FNBP1: variants seen among roughly 807,000 people sequenced by gnomAD.
FNBP1 encodes formin-binding protein 1.
FNBP1 carries 26 observed loss-of-function variants against 90.6 expected under a neutral mutation model. The observed-to-expected ratio is 0.29, with a 90% CI of 0.21 to 0.40. The LOEUF is 0.40. Among genes scored for constraint, FNBP1 ranks in the 10% least tolerant of loss-of-function variants. The pLI is 1.00. For missense variants in FNBP1, 635 were observed against 768.0 expected (o/e 0.83, Z 2.05); for synonymous variants, 260 against 265.2 (o/e 0.98, Z 0.19).
chr9:129,913,528 TGGGGGGC>T (rs113337199), intron 11 of FNBP1, among the ~76,000 whole-genome samples: 1 of 151,956 alleles, frequency 6.6e-6, no homozygotes, highest in African/African-American at 2.4e-5. Flanking sequence ...CCCAGCACTG[TGGGGGGC>T]TGAGGTGGGC....
intron 12 of FNBP1, among the ~76,000 whole-genome samples, chr9:129,907,614 T>C (rs2038380536): frequency 1.2e-5 from 1 of 81,094 alleles, no homozygotes; most frequent in Admixed American, 1.4e-4. Flanking sequence ...TGTGTGTGTG[T>C]GTGTGTGTGT....
At chr9:130,001,417 G>A (rs1418845600) in intron 1 of FNBP1, among the ~76,000 whole-genome samples, 1 of 151,896 alleles carries the variant, frequency 6.6e-6, no homozygotes, top group African/African-American at 2.4e-5. Context: ...TAAAGCATCA[G>A]CTTTACCCAC....
rs1249683865 is a variant in FNBP1 at position 129,895,981 on chromosome 9, G to A, written c.1703C>T (p.Thr568Met). The A allele has an allele frequency of 3.7e-6, 6 of 1,608,620 alleles. No individual in the cohort carries two copies. Among genetic ancestry groups the A allele is most frequent in the Non-Finnish European group, 5.1e-6 (6 of 1,178,186 alleles). ...TGTTTCTCCTTCAACTACGGAAATC[G>A]TTCCTTCATTCTGACCTGAAAAAGC... ...LYTFEGQNEG[T>M]ISVVEGETLY... Residue 568 changes from threonine to methionine, a missense_variant, in exon 16 of 17, where the codon ACG becomes ATG. Thr to Met is a moderately conservative substitution (Grantham distance 81). Coordinates refer to ENST00000446176, the MANE Select transcript of FNBP1 (RefSeq NM_015033.3).
At chr9:129,898,433 C>G (rs935064463) in intron 15 of FNBP1, among the ~76,000 whole-genome samples, 2 of 152,092 alleles carry the variant, frequency 1.3e-5, no homozygotes, top group African/African-American at 4.8e-5. Flanking sequence ...AGGAAGCGAC[C>G]TCATTCTCCC....
At chr9:130,019,849 C>T (rs551531813) in intron 1 of FNBP1, among the ~76,000 whole-genome samples, 4 of 152,122 alleles carry the variant, frequency 2.6e-5, no homozygotes, top group East Asian at 1.9e-4. Context: ...TGAGCCACCG[C>T]GCCCGGCCCA....
At chr9:129,898,900 C>T (rs2036319647) in intron 15 of FNBP1, among the ~76,000 whole-genome samples, 2 of 151,916 alleles carry the variant, frequency 1.3e-5, no homozygotes, top group African/African-American at 4.8e-5. Context: ...GCTATAGATA[C>T]TAGATATTAA....
intron 1 of FNBP1, among the ~76,000 whole-genome samples, chr9:130,028,973 G>A (rs2058581056): frequency 6.6e-6 from 1 of 152,036 alleles, no homozygotes; most frequent in Non-Finnish European, 1.5e-5. Flanking sequence ...TCCCCATCAA[G>A]CTCAATCCTA....
Position 129,902,900 on chromosome 9 carries a change from T to C in FNBP1, c.1397A>G (p.Glu466Gly), listed in dbSNP as rs767860797. 3.4e-5 allele frequency: 55 copies of C among 1,613,584 alleles called. No individual in the cohort carries two copies. The East Asian group carries it at 1.1e-3, about 33-fold the overall frequency. Reference protein sequence around the residue: ...HKLAEVSQNIEKLRVETQKFE... With the variant: ...HKLAEVSQNIGKLRVETQKFE... ...TTTCTGGGTCTCTACTCGCAGTTTCTCTATATTTTGGCTGACTTCTGCTAA... is the reference window on the plus strand; with the variant it reads ...TTTCTGGGTCTCTACTCGCAGTTTCCCTATATTTTGGCTGACTTCTGCTAA... Residue 466 changes from glutamate to glycine, a missense_variant, in exon 13 of 17, where the codon GAG becomes GGG. Transcript: ENST00000446176.
At chr9:129,963,360 C>T (rs1208943675) in intron 4 of FNBP1, among the ~76,000 whole-genome samples, 1 of 151,984 alleles carries the variant, frequency 6.6e-6, no homozygotes, top group Non-Finnish European at 1.5e-5. Context: ...TTTAAAAACA[C>T]GAGGGATGAT....
intron 12 of FNBP1, among the ~76,000 whole-genome samples, chr9:129,904,622 C>T (rs1298972481): frequency 6.6e-6 from 1 of 152,210 alleles, no homozygotes; most frequent in Non-Finnish European, 1.5e-5. Context: ...CAAGTCCTCA[C>T]CACCCTCCAC....
intron 11 of FNBP1, among the ~76,000 whole-genome samples, chr9:129,909,637 T>TC (rs1201398842): frequency 6.6e-6 from 1 of 152,056 alleles, no homozygotes; most frequent in Non-Finnish European, 1.5e-5. Context: ...TTTTTTTTTT[T>TC]CCTTGAGACA....
intron 1 of FNBP1, among the ~76,000 whole-genome samples, chr9:130,007,996 T>C (rs1589230808): frequency 6.4e-5 from 2 of 31,362 alleles, no homozygotes; most frequent in South Asian, 1.3e-3. Context: ...AGACTCTGTC[T>C]CAAAAAAAAA....
rs563365513 is a variant in FNBP1, at chr9:129,907,500, C to T, written c.1295+1390G>A. On this transcript the variant is annotated intron_variant, in intron 12 of 16. Transcript: ENST00000446176. ...CTACTTTGTGCTTTTTTCTTGGAGA[C>T]GGGGTCTTGCTCTGTTGCCCAAGGT... Among the ~76,000 whole-genome samples, 5 of 151,744 alleles carry T rather than the reference C, an allele frequency of 3.3e-5. No individual in the cohort carries two copies. The South Asian group carries it at 8.3e-4, about 25-fold the overall frequency.
intron 6 of FNBP1, among the ~76,000 whole-genome samples, chr9:129,941,346 GT>G (rs1564387993): frequency 6.6e-6 from 1 of 152,050 alleles, no homozygotes; most frequent in Non-Finnish European, 1.5e-5. Context: ...CCAAGACTGC[GT>G]CATTGCACTC....
the FNBP1 span, chr9:130,053,646 G>T: frequency 4.2e-6 from 2 of 475,478 alleles, no homozygotes; most frequent in East Asian, 4.2e-5. Flanking sequence ...TCAGCGAGGC[G>T]GAGGTGCGGC....
chr9:129,970,612 C>T (rs949953106), intron 4 of FNBP1, among the ~76,000 whole-genome samples: 35 of 152,150 alleles, frequency 2.3e-4, no homozygotes, highest in African/African-American at 7.0e-4. Context: ...CCTTTAATTC[C>T]GTTTTAGTAA....
chr9:129,910,198 T>A (rs1479843675), intron 11 of FNBP1: 1 of 456,090 alleles, frequency 2.2e-6, no homozygotes, highest in Non-Finnish European at 4.4e-6. Flanking sequence ...GAGAGAAATT[T>A]CGTGCTGGGC....
At chr9:129,981,834 T>C (rs1564495428) in intron 2 of FNBP1, among the ~76,000 whole-genome samples, 1 of 152,160 alleles carries the variant, frequency 6.6e-6, no homozygotes, top group Non-Finnish European at 1.5e-5. Context: ...GAATATTAAC[T>C]GCTGCAATTA....
At chr9:129,921,472 C>T (rs1172881341) in intron 10 of FNBP1, among the ~76,000 whole-genome samples, 1 of 151,850 alleles carries the variant, frequency 6.6e-6, no homozygotes, top group Admixed American at 6.6e-5. Flanking sequence ...TGGCTCACTG[C>T]AACCTCCACT....
Sources: gnomAD v4.1 joint callset for allele counts (sites outside exome capture counted in the v4.1 genomes callset) on GRCh38, gnomAD v4.1.1 for gene constraint, MANE v1.5 for transcripts, NCBI Gene and HGNC (gene_info 2026-07-23, HGNC 2026-07-21) for gene names.